FOXN3: variants seen among roughly 807,000 people sequenced by gnomAD.
FOXN3 encodes the protein forkhead box protein N3.
In FOXN3, 7 loss-of-function variants were observed where a neutral mutation model predicts 38.4. That is an observed-to-expected ratio of 0.18 (90% CI 0.10 to 0.34). FOXN3 has a LOEUF of 0.34. Among genes scored for constraint, FOXN3 ranks in the 10% least tolerant of loss-of-function variants. The probability of loss-of-function intolerance (pLI) is 1.00; values close to 1 mark genes in which losing one functional copy is unlikely to be tolerated. For missense variants in FOXN3, 456 were observed against 613.4 expected (o/e 0.74, Z 2.71); for synonymous variants, 230 against 242.2 (o/e 0.95, Z 0.47).
At chr14:89,529,819 T>A (rs987840240) in intron 1 of FOXN3, among the ~76,000 whole-genome samples, 1 of 152,042 alleles carries the variant, frequency 6.6e-6, no homozygotes, top group African/African-American at 2.4e-5. Context: ...GGTGGGAGGA[T>A]CCCCTGAGCC....
chr14:89,360,693 T>G (rs1052191401), intron 2 of FOXN3, among the ~76,000 whole-genome samples: 5 of 150,998 alleles, frequency 3.3e-5, no homozygotes, highest in Non-Finnish European at 7.4e-5. Context: ...AAACTCATCC[T>G]CAGCTACCAC....
intron 1 of FOXN3, among the ~76,000 whole-genome samples, chr14:89,446,283 G>A (rs1199737481): frequency 1.4e-5 from 2 of 144,466 alleles, no homozygotes; most frequent in Non-Finnish European, 3.0e-5. Context: ...CCACCTCCTG[G>A]GTTCAAGCGA....
At chr14:89,261,810 C>G (rs1432556456) in intron 4 of FOXN3, among the ~76,000 whole-genome samples, 1 of 152,176 alleles carries the variant, frequency 6.6e-6, no homozygotes, top group Non-Finnish European at 1.5e-5. Context: ...CGCCTATAGT[C>G]CCAGCTAGTC....
At chr14:89,417,642 T>G, upstream of FOXN3, 1 of 455,096 alleles carries the variant, frequency 2.2e-6, no homozygotes, top group Middle Eastern at 3.6e-4. Context: ...TCTGCATGCC[T>G]TACATGGCTC....
At chr14:89,500,996 G>C (rs563868737) in intron 1 of FOXN3, among the ~76,000 whole-genome samples, 2 of 152,326 alleles carry the variant, frequency 1.3e-5, no homozygotes, top group African/African-American at 4.8e-5. Context: ...TCCTCAGCAT[G>C]CATGAACTCC....
chr14:89,316,953 C>T (rs1361400165), intron 3 of FOXN3, among the ~76,000 whole-genome samples: 3 of 152,172 alleles, frequency 2.0e-5, no homozygotes, highest in Non-Finnish European at 2.9e-5. Flanking sequence ...GAGTGAGCCA[C>T]CACACCCGGC....
chr14:89,384,864 T>C (rs892631615), intron 2 of FOXN3, among the ~76,000 whole-genome samples: 12 of 152,198 alleles, frequency 7.9e-5, no homozygotes, highest in Non-Finnish European at 1.5e-4. Flanking sequence ...ACAACAGCCT[T>C]GATGGCTCTC....
chr14:89,613,175 T>C (rs975012358), intron 1 of FOXN3, among the ~76,000 whole-genome samples: 4 of 137,134 alleles, frequency 2.9e-5, no homozygotes, highest in African/African-American at 1.1e-4. Context: ...ACTTGTATAA[T>C]ATACTAAAAT....
chr14:89,234,001 G>A (rs12434418), intron 4 of FOXN3, among the ~76,000 whole-genome samples: 41,830 of 151,906 alleles, frequency 0.28, 6,840 homozygotes, highest in South Asian at 0.41. Context: ...TCTGTCCCTC[G>A]TGTAGATCCC....
intron 1 of FOXN3, among the ~76,000 whole-genome samples, chr14:89,608,631 C>T (rs1896327651): frequency 6.6e-6 from 1 of 152,094 alleles, no homozygotes; most frequent in Admixed American, 6.6e-5. Flanking sequence ...GAAACCTTGC[C>T]TCCAACAGCA....
At chr14:89,547,181 C>G (rs1011324211) in intron 1 of FOXN3, among the ~76,000 whole-genome samples, 2 of 152,186 alleles carry the variant, frequency 1.3e-5, no homozygotes, top group Non-Finnish European at 2.9e-5. Flanking sequence ...TAACCACAGT[C>G]ACTGTATGTT....
At position 89,484,408 on chromosome 14, in the gene FOXN3, A is replaced by G. The variant is rs1017464437; in HGVS notation, c.-14-71918T>C. 6.6e-6 allele frequency among the ~76,000 whole-genome samples: 1 copy of G among 152,232 alleles called. No homozygotes were observed. Among genetic ancestry groups the G allele is most frequent in the African/African-American group, 2.4e-5 (1 of 41,466 alleles). On this transcript the variant is annotated intron_variant, in intron 1 of 6. Coordinates refer to the FOXN3 transcript ENST00000345097. The surrounding 1 kb of genome is among the most constrained non-coding windows in gnomAD (Gnocchi z 4.0). Reference sequence around the variant, plus strand: ...ATAGATAATCCAGAAATGAACAAACATGGCTCTGTTTCAATAACATTTTAT... The same window carrying G: ...ATAGATAATCCAGAAATGAACAAACGTGGCTCTGTTTCAATAACATTTTAT...
At chr14:89,233,570 T>TTTTTTC (rs1472922100) in intron 4 of FOXN3, among the ~76,000 whole-genome samples, 1 of 152,174 alleles carries the variant, frequency 6.6e-6, no homozygotes, top group East Asian at 1.9e-4. Flanking sequence ...ACAGTTCCCT[T>TTTTTTC]TTTTTCTTTT....
chr14:89,307,424 T>A (rs1159818905), intron 3 of FOXN3, among the ~76,000 whole-genome samples: 1 of 152,128 alleles, frequency 6.6e-6, no homozygotes, highest in African/African-American at 2.4e-5. Context: ...TGGGTACTGT[T>A]TGTAGGTCTG....
chr14:89,421,939 G>C (rs1891921997), upstream of FOXN3, among the ~76,000 whole-genome samples: 1 of 152,120 alleles, frequency 6.6e-6, no homozygotes, highest in African/African-American at 2.4e-5. Flanking sequence ...GAGCACAGTG[G>C]TGCAATCGTA....
At chr14:89,181,124 A>C (rs576494131) in intron 4 of FOXN3, among the ~76,000 whole-genome samples, 1 of 152,282 alleles carries the variant, frequency 6.6e-6, no homozygotes, top group South Asian at 2.1e-4. Flanking sequence ...ATACCCAGAG[A>C]GTAAGACAGA....
chr14:89,446,987 G>A (rs1011466418), intron 1 of FOXN3, among the ~76,000 whole-genome samples: 3 of 152,088 alleles, frequency 2.0e-5, no homozygotes, highest in South Asian at 2.1e-4. Flanking sequence ...ACCTGAGGTC[G>A]GGAGTTCGAG....
At chr14:89,563,860 T>G (rs901844371) in intron 1 of FOXN3, among the ~76,000 whole-genome samples, 2 of 151,798 alleles carry the variant, frequency 1.3e-5, no homozygotes, top group Admixed American at 6.6e-5. Context: ...AAGGTTTTGG[T>G]TTTTTTTGAG....
intron 1 of FOXN3, among the ~76,000 whole-genome samples, chr14:89,497,829 GT>G (rs1470487025): frequency 6.6e-6 from 1 of 152,148 alleles, no homozygotes; most frequent in African/African-American, 2.4e-5. Flanking sequence ...ATTTTCCACA[GT>G]AGTTGTACCA....
Sources: gnomAD v4.1 joint callset for allele counts (sites outside exome capture counted in the v4.1 genomes callset) on GRCh38, gnomAD v4.1.1 for gene constraint, Gnocchi (gnomAD v3.1) non-coding constraint, MANE v1.5 for transcripts, NCBI Gene and HGNC (gene_info 2026-07-23, HGNC 2026-07-21) for gene names.